MFHAS1: variants seen among roughly 807,000 people sequenced by gnomAD.
MFHAS1 encodes multifunctional ROCO family signaling regulator 1.
Under a neutral mutation model 70.4 loss-of-function variants are expected in MFHAS1, and 50 were observed. That is an observed-to-expected ratio of 0.71 (90% CI 0.57 to 0.90). The LOEUF is 0.90. MFHAS1 is among the 40% of genes least tolerant of loss of function. The pLI is 0.00. For synonymous variants in MFHAS1, 952 were observed against 620.0 expected, an observed-to-expected ratio of 1.54 and a Z score of -7.96; for missense variants, 1,795 against 1,347.6, an observed-to-expected ratio of 1.33 and a Z score of -5.20.
intron 2 of MFHAS1, among the ~76,000 whole-genome samples, chr8:8,792,697 G>A (rs769287870): frequency 6.6e-6 from 1 of 152,200 alleles, no homozygotes; most frequent in African/African-American, 2.4e-5. Context: ...AAATAGGCAG[G>A]AGATTTCTTT....
intron 1 of MFHAS1, among the ~76,000 whole-genome samples, chr8:8,819,165 CT>C (rs201658474): frequency 0.034 from 5,162 of 152,218 alleles, 123 homozygotes; most frequent in Middle Eastern, 0.058. Flanking sequence ...ATATATTAAA[CT>C]TTTAAAAAGC....
Position 8,891,472 on chromosome 8 carries a change from G to A in MFHAS1, c.1587C>T (p.His529=). 2 of 1,613,026 alleles carry A rather than the reference G, an allele frequency of 1.2e-6. No homozygotes were observed. The highest frequency in any genetic ancestry group is 1.1e-5 in the South Asian group (1 of 91,082). The change falls in exon 1 of 3, where the codon CAC becomes CAT. Residue 529 remains histidine (H), a synonymous_variant. Coordinates refer to ENST00000276282, the MANE Select transcript of MFHAS1 (RefSeq NM_004225.3). This position sits in a 1 kb window ranked among gnomAD's most constrained non-coding sequence, Gnocchi z 5.4. ...GGGTGCCCACGATGCACACCACCGCGTGGGGCACTCTCGCCCCGACCCGAT... is the reference window on the plus strand; with the variant it reads ...GGGTGCCCACGATGCACACCACCGCATGGGGCACTCTCGCCCCGACCCGAT... ...FLHRVGARVP[H]AVVCIVGTHA... is the part of the protein sequence containing the mutation.
chr8:8,854,119 G>A (rs957579353), intron 1 of MFHAS1, among the ~76,000 whole-genome samples: 3 of 152,160 alleles, frequency 2.0e-5, no homozygotes, highest in Admixed American at 1.3e-4. Flanking sequence ...AATATACGCT[G>A]GGTGTGGTGG....
intron 2 of MFHAS1, among the ~76,000 whole-genome samples, chr8:8,787,107 G>A (rs148013929): frequency 2.7e-5 from 4 of 147,502 alleles, no homozygotes; most frequent in Non-Finnish European, 5.9e-5. Flanking sequence ...TTGAGACAGA[G>A]TCTCGCTCTG....
intron 1 of MFHAS1, among the ~76,000 whole-genome samples, chr8:8,849,584 G>T (rs1176205238): frequency 6.6e-6 from 1 of 152,186 alleles, no homozygotes; most frequent in African/African-American, 2.4e-5. Flanking sequence ...CTGCGGTCCT[G>T]TTCAGTCCAA....
intron 1 of MFHAS1, among the ~76,000 whole-genome samples, chr8:8,849,237 T>G (rs1372048740): frequency 6.6e-6 from 1 of 151,914 alleles, no homozygotes; most frequent in Non-Finnish European, 1.5e-5. Flanking sequence ...TGAGCCACCA[T>G]GCCCAGCTAA....
chr8:8,867,683 A>G lies in MFHAS1; in HGVS notation c.2998+22378T>C, dbSNP rs977755636. ...TGCCATTCTCCTGCCTCAGCCTCCC[A>G]AGTAGCTGGGACTACAGGCACCCGC... On this transcript the variant is annotated intron_variant, in intron 1 of 2. Coordinates refer to ENST00000276282, the MANE Select transcript of MFHAS1 (RefSeq NM_004225.3). Among the ~76,000 whole-genome samples, 5 of 151,484 alleles carry G rather than the reference A, an allele frequency of 3.3e-5. No homozygotes were observed. In the South Asian group the frequency reaches 8.4e-4, roughly 25 times the overall value.
chr8:8,874,692 TG>T (rs1451990916), intron 1 of MFHAS1, among the ~76,000 whole-genome samples: 3 of 151,706 alleles, frequency 2.0e-5, no homozygotes, highest in African/African-American at 7.2e-5. Context: ...CTGTCACCTC[TG>T]TATTTAGAAA....
chr8:8,873,970 G>C (rs963971031), intron 1 of MFHAS1, among the ~76,000 whole-genome samples: 3 of 152,134 alleles, frequency 2.0e-5, no homozygotes, highest in Non-Finnish European at 2.9e-5. Flanking sequence ...TGTGAAATGC[G>C]TAATTATGCT....
chr8:8,888,505 A>C (rs540852494), intron 1 of MFHAS1, among the ~76,000 whole-genome samples: 1 of 149,796 alleles, frequency 6.7e-6, no homozygotes, highest in African/African-American at 2.4e-5. Flanking sequence ...TCCACAAAAA[A>C]ACAAAAAACA....
In MFHAS1 at chr8:8,838,870, G is replaced by C. The variant is rs1046827566; in HGVS notation, c.2999-41379C>G. ...TTCTCTTCTCCCTTCCTGAGTACCAGTTATTTTCATATTTTAAAGGACTTT... is the reference window on the plus strand; with the variant it reads ...TTCTCTTCTCCCTTCCTGAGTACCACTTATTTTCATATTTTAAAGGACTTT... On this transcript the variant is annotated intron_variant, in intron 1 of 2. Coordinates refer to ENST00000276282, the MANE Select transcript of MFHAS1 (RefSeq NM_004225.3). 7.3e-5 allele frequency among the ~76,000 whole-genome samples: 11 copies of C among 151,446 alleles called. No homozygotes were observed. The East Asian group carries it at 1.7e-3, about 24-fold the overall frequency.
At chr8:8,853,279 G>A (rs1200426703) in intron 1 of MFHAS1, among the ~76,000 whole-genome samples, 2 of 151,908 alleles carry the variant, frequency 1.3e-5, no homozygotes, top group Admixed American at 6.6e-5. Context: ...ACTCCCTCTA[G>A]TTCAACAGGC....
rs200949421 is a variant in MFHAS1, at chr8:8,852,486, CACACACAT to C, written c.2998+37567_2998+37574del. Among the ~76,000 whole-genome samples the C allele has an allele frequency of 1.0e-2, 1,309 of 131,122 alleles. 22 individuals are homozygous for C. The highest frequency in any genetic ancestry group is 0.054 in the Admixed American group (646 of 11,864). The allele number at this position is 131,122 out of a possible 152,430, so 86.0% of individuals were successfully genotyped here. On this transcript the variant is annotated intron_variant, in intron 1 of 2. Coordinates refer to ENST00000276282, the MANE Select transcript of MFHAS1 (RefSeq NM_004225.3). The stretch of plus-strand genomic sequence containing the variant: ...CCTCTCTCAAACACACACACACACA[CACACACAT>C]ACACACAAACACACACACCCACAAG...
At chr8:8,844,925 T>A (rs1244300914) in intron 1 of MFHAS1, among the ~76,000 whole-genome samples, 1 of 152,038 alleles carries the variant, frequency 6.6e-6, no homozygotes. Context: ...CCCAAAACTA[T>A]CTGCATGACA....
Position 8,797,502 on chromosome 8 carries a change from A to G in MFHAS1, c.2999-11T>C. 1 of 1,612,194 alleles carries G rather than the reference A, an allele frequency of 6.2e-7. No homozygotes were observed. The highest frequency in any genetic ancestry group is 8.5e-7 in the Non-Finnish European group (1 of 1,178,638). On this transcript the variant is annotated splice_polypyrimidine_tract_variant and intron_variant, in intron 1 of 2. Coordinates refer to ENST00000276282, the MANE Select transcript of MFHAS1 (RefSeq NM_004225.3). ...GACTCAGCAACTCCCCTGTAGGAGGAGAGAGAAAAACGTGTTAGGGAGATG... is the reference window on the plus strand; with the variant it reads ...GACTCAGCAACTCCCCTGTAGGAGGGGAGAGAAAAACGTGTTAGGGAGATG...
At chr8:8,825,517 C>G (rs1376683488) in intron 1 of MFHAS1, among the ~76,000 whole-genome samples, 1 of 152,142 alleles carries the variant, frequency 6.6e-6, no homozygotes, top group Non-Finnish European at 1.5e-5. Flanking sequence ...TCTGGAAGTC[C>G]AAGATCAAGG....
intron 1 of MFHAS1, among the ~76,000 whole-genome samples, chr8:8,825,192 A>T (rs1035358637): frequency 1.3e-5 from 2 of 152,142 alleles, no homozygotes; most frequent in Admixed American, 6.5e-5. Context: ...TTGTTTTTTG[A>T]GATGGAGTCT....
chr8:8,841,643 C>T (rs1343990005), intron 1 of MFHAS1, among the ~76,000 whole-genome samples: 2 of 152,006 alleles, frequency 1.3e-5, no homozygotes, highest in African/African-American at 4.8e-5. Context: ...AATGGTAAGG[C>T]CAAAAGGAAG....
chr8:8,791,999 T>C (rs1805733971), intron 2 of MFHAS1, among the ~76,000 whole-genome samples: 1 of 152,134 alleles, frequency 6.6e-6, no homozygotes, highest in African/African-American at 2.4e-5. Flanking sequence ...CCCAGCACTC[T>C]GGGAGGCCGA....
Sources: allele counts gnomAD v4.1 joint callset (sites outside exome capture counted in the v4.1 genomes callset), GRCh38; gene constraint gnomAD v4.1.1; non-coding constraint Gnocchi (gnomAD v3.1); transcripts MANE v1.5; gene names NCBI Gene and HGNC (gene_info 2026-07-23, HGNC 2026-07-21).